Variants in DNM1L observed in about 807,000 individuals in gnomAD.
The protein encoded by DNM1L is dynamin 1L.
DNM1L carries 33 observed loss-of-function variants against 92.8 expected under a neutral mutation model. That is an observed-to-expected ratio of 0.36 (90% CI 0.27 to 0.48). DNM1L has a LOEUF of 0.48. Among genes scored for constraint, DNM1L ranks in the 20% least tolerant of loss-of-function variants. DNM1L has a pLI of 0.99. For synonymous variants in DNM1L, 284 were observed against 305.0 expected (o/e 0.93, Z 0.72); for missense variants, 485 against 888.8 (o/e 0.55, Z 5.78).
At chr12:32,737,841 C>T in intron 14 of DNM1L, 24 bp from the exon 15 acceptor site, 4 of 1,592,654 alleles carry the variant, frequency 2.5e-6, no homozygotes, top group Non-Finnish European at 1.7e-6. Flanking sequence ...GATTTTTTTT[C>T]CCCCCTGGAT....
chr12:32,684,284 C>T (rs569996549), intron 1 of DNM1L, among the ~76,000 whole-genome samples: 4 of 152,230 alleles, frequency 2.6e-5, no homozygotes, highest in South Asian at 2.1e-4. Context: ...GTTCCTAGAT[C>T]CTAATTTGAA....
At chr12:32,692,122 CTCTTTTTT>C (rs1316982080) in intron 1 of DNM1L, among the ~76,000 whole-genome samples, 2 of 152,042 alleles carry the variant, frequency 1.3e-5, no homozygotes, top group East Asian at 1.9e-4. Context: ...TAACCATTTT[CTCTTTTTT>C]TCTTTTTGGG....
chr12:32,738,206 C>T lies in DNM1L; in HGVS notation c.1675-58C>T. ...TTATCCTGCACTTTTTGAATTTCAA[C>T]CCATTGGTATTTAAATTTTGCTTGT... On this transcript the variant is annotated intron_variant, in intron 15 of 19. Coordinates refer to ENST00000549701, the MANE Select transcript of DNM1L (RefSeq NM_012062.5). 1.9e-6 allele frequency: 3 copies of T among 1,585,782 alleles called. No individual in the cohort carries two copies. The South Asian group carries it at 3.3e-5, about 18-fold the overall frequency.
chr12:32,722,435 T>G lies in DNM1L; in HGVS notation c.881T>G (p.Met294Arg), dbSNP rs1479023201. Residue 294 changes from methionine (M) to arginine (R), a missense_variant, in exon 9 of 20, where the codon ATG (methionine) becomes AGG (arginine). Physicochemically the swap from Met to Arg is moderately conservative, Grantham distance 91. Around this residue, in one of 11 missense-constraint regions of DNM1L, gnomAD observed 40 missense variants for 128.7 expected, o/e 0.31. Transcript: ENST00000549701. Reference sequence around the variant, plus strand: ...TTTCTAACCTTTTTTAGGTTACTGATGCATCACATCAGAGATTGTTTACCA... The same window carrying G: ...TTTCTAACCTTTTTTAGGTTACTGAGGCATCACATCAGAGATTGTTTACCA... Reference protein sequence around the residue: ...YLARTLNRLLMHHIRDCLPEL... With the variant: ...YLARTLNRLLRHHIRDCLPEL... 1 of 1,612,272 alleles carries G rather than the reference T, an allele frequency of 6.2e-7. No individual in the cohort carries two copies. The highest frequency in any genetic ancestry group is 1.7e-5 in the Admixed American group (1 of 60,016).
At chr12:32,722,765 A>C (rs1953864411) in intron 9 of DNM1L, 132 bp downstream of exon 9, 1 of 697,092 alleles carries the variant, frequency 1.4e-6, no homozygotes, top group Non-Finnish European at 2.4e-6. Context: ...AACTTTGTAG[A>C]GATAATAGGA....
At chr12:32,718,130 A>G (rs1247866489) in intron 6 of DNM1L, among the ~76,000 whole-genome samples, 1 of 140,738 alleles carries the variant, frequency 7.1e-6, no homozygotes, top group Non-Finnish European at 1.5e-5. Flanking sequence ...TAGTATATAT[A>G]TTTTATATGT....
intron 13 of DNM1L, among the ~76,000 whole-genome samples, chr12:32,736,635 A>G (rs1176445831): frequency 6.6e-6 from 1 of 152,192 alleles, no homozygotes; most frequent in East Asian, 1.9e-4. Flanking sequence ...ATACGGTTTT[A>G]TGAGGGGAGT....
intron 8 of DNM1L, among the ~76,000 whole-genome samples, 182 bp downstream of exon 8, chr12:32,720,977 C>T (rs1953776560): frequency 6.6e-6 from 1 of 152,156 alleles, no homozygotes; most frequent in African/African-American, 2.4e-5. Flanking sequence ...GACATTACAT[C>T]ATCACGTAGT....
chr12:32,726,716 G>A lies in DNM1L; in HGVS notation c.1079+4083G>A, dbSNP rs1954172870. 8 of 636,338 alleles carry A rather than the reference G, an allele frequency of 1.3e-5. No homozygotes were observed. The Admixed American group carries it at 1.9e-4, about 15-fold the overall frequency. The allele number at this position is 636,338 out of a possible 1,614,324, so 39.4% of individuals were successfully genotyped here. A position where few individuals can be genotyped will look rare whatever the true frequency, so the allele number is the denominator to read the frequency against. ...CAATACGAATTGTCCCATGTCCCTA[G>A]TGTTTCTGCTGCTGCTTAATGGTTT... On this transcript the variant is annotated intron_variant, in intron 9 of 19. Coordinates refer to ENST00000549701, the MANE Select transcript of DNM1L (RefSeq NM_012062.5).
intron 7 of DNM1L, among the ~76,000 whole-genome samples, chr12:32,720,391 G>A (rs554222239): frequency 4.6e-5 from 7 of 152,218 alleles, no homozygotes; most frequent in Admixed American, 3.9e-4. Flanking sequence ...TAATAATGAG[G>A]CCTACTCTAT....
intron 9 of DNM1L, among the ~76,000 whole-genome samples, chr12:32,724,543 T>C (rs2137460838): frequency 7.7e-6 from 1 of 129,796 alleles, no homozygotes; most frequent in Middle Eastern, 6.0e-3. Flanking sequence ...ACCACTGCAC[T>C]CCAGCCTGGG....
chr12:32,684,049 G>A (rs565407390), intron 1 of DNM1L, among the ~76,000 whole-genome samples: 36 of 152,304 alleles, frequency 2.4e-4, no homozygotes, highest in African/African-American at 6.7e-4. Flanking sequence ...AAATATTCAT[G>A]TAACACAAAA....
chr12:32,689,112 T>C lies in DNM1L; in HGVS notation c.102+9647T>C, dbSNP rs116788196. 8.2e-3 allele frequency among the ~76,000 whole-genome samples: 1,251 copies of C among 152,320 alleles called. 21 individuals carry two copies. Among genetic ancestry groups the C allele is most frequent in the African/African-American group, 0.028 (1,152 of 41,570 alleles). On this transcript the variant is annotated intron_variant, in intron 1 of 19. Coordinates refer to ENST00000549701, the MANE Select transcript of DNM1L (RefSeq NM_012062.5). ...CACCCCACATATTAACTACAAATTATGAAGTGGTTTAAACTTCATATTTAT... is the reference window on the plus strand; with the variant it reads ...CACCCCACATATTAACTACAAATTACGAAGTGGTTTAAACTTCATATTTAT...
Position 32,718,695 on chromosome 12 carries a change from T to A in DNM1L, c.672T>A (p.Thr224=), listed in dbSNP as rs1378132235. The A allele has an allele frequency of 6.2e-7, 1 of 1,613,974 alleles. No individual in the cohort carries two copies. Among genetic ancestry groups the A allele is most frequent in the Admixed American group, 1.7e-5 (1 of 60,018 alleles). The stretch of plus-strand genomic sequence containing the variant: ...AACTTGATCTCATGGATGCGGGTAC[T>A]GATGCCATGGATGTATTGATGGGAA... ...ITKLDLMDAG[T]DAMDVLMGRV... The change falls in exon 7 of 20, where the codon ACT becomes ACA. Residue 224 remains threonine (T), a synonymous_variant. Coordinates refer to ENST00000549701, the MANE Select transcript of DNM1L (RefSeq NM_012062.5).
chr12:32,679,380 C>T lies in DNM1L; in HGVS notation c.17C>T (p.Pro6Leu), dbSNP rs771090587. Residue 6 changes from proline (P) to leucine (L), a missense_variant, in exon 1 of 20, where the codon CCT becomes CTT. Around this residue, in one of 11 missense-constraint regions of DNM1L, gnomAD observed 19 missense variants for 16.1 expected, o/e 1.18. Coordinates refer to ENST00000549701, the MANE Select transcript of DNM1L (RefSeq NM_012062.5). ...TTCAGAGTCATGGAGGCGCTAATTC[C>T]TGTCATAAACAAGCTCCAGGACGTC... MEALI[P>L]VINKLQDVFN... 1 of 1,613,714 alleles carries T rather than the reference C, an allele frequency of 6.2e-7. No individual in the cohort carries two copies. Among genetic ancestry groups the T allele is most frequent in the Non-Finnish European group, 8.5e-7 (1 of 1,179,790 alleles).
At chr12:32,726,658 T>G (rs1407745127) in intron 9 of DNM1L, 17 of 734,856 alleles carry the variant, frequency 2.3e-5, no homozygotes, top group Non-Finnish European at 3.3e-5. Flanking sequence ...GCAAGAAAAT[T>G]AAAGAAAGAG....
chr12:32,688,822 C>T (rs1218673785), intron 1 of DNM1L, among the ~76,000 whole-genome samples: 1 of 152,110 alleles, frequency 6.6e-6, no homozygotes, highest in Non-Finnish European at 1.5e-5. Context: ...AGTTTTATAA[C>T]CAAGAAAAAA....
intron 1 of DNM1L, among the ~76,000 whole-genome samples, chr12:32,685,549 G>A (rs1951976226): frequency 6.6e-6 from 1 of 151,500 alleles, no homozygotes; most frequent in African/African-American, 2.4e-5. Flanking sequence ...TTTAGTAGAG[G>A]CGAGGGTTTC....
chr12:32,714,851 T>C (rs1012465651), intron 6 of DNM1L, among the ~76,000 whole-genome samples: 1 of 150,226 alleles, frequency 6.7e-6, no homozygotes, highest in Non-Finnish European at 1.5e-5. Flanking sequence ...CAAAAAACAA[T>C]TAGCTGGGTA....
Sources: gnomAD v4.1 joint callset for allele counts (sites outside exome capture counted in the v4.1 genomes callset) on GRCh38, gnomAD v4.1.1 for gene constraint, gnomAD v4.1.1 regional missense constraint, MANE v1.5 for transcripts, NCBI Gene and HGNC (gene_info 2026-07-23, HGNC 2026-07-21) for gene names.